The following TNFSF4 variants were observed in gnomAD, a reference collection of about 807,000 sequenced individuals.
The protein encoded by TNFSF4 is tumor necrosis factor ligand superfamily member 4.
A neutral mutation model predicts 7.3 loss-of-function variants in TNFSF4; 4 were observed. That is an observed-to-expected ratio of 0.55 (90% CI 0.27 to 1.25). The LOEUF is 1.25. TNFSF4 is among the 50% of genes most tolerant of loss of function. The pLI, the probability that TNFSF4 is intolerant of heterozygous loss-of-function variation, is 0.12. For synonymous variants in TNFSF4, 76 were observed against 83.7 expected (o/e 0.91, Z 0.50); for missense variants, 181 against 208.8 (o/e 0.87, Z 0.82).
At chr1:173,334,686 C>T in the TNFSF4 span, among the ~76,000 whole-genome samples, 1 of 152,066 alleles carries the variant, frequency 6.6e-6, no homozygotes, top group Non-Finnish European at 1.5e-5. Context: ...GACACTAGGC[C>T]CCTAAACTGA....
chr1:173,258,478 G>C, the TNFSF4 span, among the ~76,000 whole-genome samples: 1 of 152,130 alleles, frequency 6.6e-6, no homozygotes, highest in Non-Finnish European at 1.5e-5. Context: ...TATGCAACCT[G>C]CGGATCAGGA....
chr1:173,362,398 G>T, the TNFSF4 span: 7 of 437,116 alleles, frequency 1.6e-5, no homozygotes, highest in Non-Finnish European at 3.1e-5. Flanking sequence ...TGGTCCAGAA[G>T]AATGGCTGTT....
chr1:173,411,812 A>T, the TNFSF4 span, among the ~76,000 whole-genome samples: 1 of 151,550 alleles, frequency 6.6e-6, no homozygotes, highest in Non-Finnish European at 1.5e-5. Context: ...AAATAAAAAT[A>T]AAAAAATTTT....
the TNFSF4 span, among the ~76,000 whole-genome samples, chr1:173,415,733 G>T: frequency 2.6e-5 from 4 of 152,248 alleles, no homozygotes; most frequent in Non-Finnish European, 5.9e-5. Flanking sequence ...GTGCAAGTAA[G>T]AATGTAAGTG....
the TNFSF4 span, among the ~76,000 whole-genome samples, chr1:173,322,354 C>T: frequency 6.6e-6 from 1 of 151,976 alleles, no homozygotes. Flanking sequence ...GGAGGGAGAG[C>T]ATTAGGACAA....
At chr1:173,191,754 T>G (rs1448767270) in intron 1 of TNFSF4, among the ~76,000 whole-genome samples, 1 of 152,218 alleles carries the variant, frequency 6.6e-6, no homozygotes, top group Non-Finnish European at 1.5e-5. Context: ...TTTCTTCGCT[T>G]TAGCCTTTAT....
At chr1:173,220,519 G>A in the TNFSF4 span, among the ~76,000 whole-genome samples, 1 of 152,170 alleles carries the variant, frequency 6.6e-6, no homozygotes, top group Non-Finnish European at 1.5e-5. Flanking sequence ...GTTATGGACT[G>A]AATATTTATG....
the TNFSF4 span, among the ~76,000 whole-genome samples, chr1:173,448,669 G>A: frequency 6.6e-6 from 1 of 152,168 alleles, no homozygotes; most frequent in Non-Finnish European, 1.5e-5. Flanking sequence ...CCAGGAAAAG[G>A]ACTTTCACAA....
chr1:173,366,145 A>G, the TNFSF4 span, among the ~76,000 whole-genome samples: 1 of 152,222 alleles, frequency 6.6e-6, no homozygotes, highest in African/African-American at 2.4e-5. Context: ...AAAAGAAAGG[A>G]AATCAGTATA....
At chr1:173,419,062 G>A in the TNFSF4 span, among the ~76,000 whole-genome samples, 37 of 152,312 alleles carry the variant, frequency 2.4e-4, no homozygotes, top group African/African-American at 8.4e-4. Flanking sequence ...TAACCTGGCC[G>A]GGTGCTGTGG....
At chr1:173,247,410 G>C in the TNFSF4 span, among the ~76,000 whole-genome samples, 5 of 152,196 alleles carry the variant, frequency 3.3e-5, no homozygotes, top group Non-Finnish European at 7.3e-5. Context: ...CTGAGTTTTA[G>C]TGAGTTTTTT....
At chr1:173,283,681 T>A in the TNFSF4 span, among the ~76,000 whole-genome samples, 1 of 152,104 alleles carries the variant, frequency 6.6e-6, no homozygotes, top group Admixed American at 6.6e-5. Flanking sequence ...TCTAAGACTA[T>A]ATTTCAGTCA....
chr1:173,369,067 G>T, the TNFSF4 span, among the ~76,000 whole-genome samples: 2 of 152,116 alleles, frequency 1.3e-5, no homozygotes, highest in Non-Finnish European at 2.9e-5. Flanking sequence ...GCCTAAAAAA[G>T]GCTATTCCCA....
the TNFSF4 span, among the ~76,000 whole-genome samples, chr1:173,411,833 T>C: frequency 1.4e-5 from 2 of 147,422 alleles, no homozygotes; most frequent in Non-Finnish European, 3.0e-5. Flanking sequence ...AAAAAGGAAA[T>C]AGTTGGCCGG....
At chr1:173,365,825 T>A in the TNFSF4 span, among the ~76,000 whole-genome samples, 2 of 152,222 alleles carry the variant, frequency 1.3e-5, no homozygotes, top group Non-Finnish European at 2.9e-5. Context: ...TGATGTTTCA[T>A]ATGGAACCAC....
the TNFSF4 span, among the ~76,000 whole-genome samples, chr1:173,441,264 TC>T: frequency 1.3e-5 from 2 of 152,152 alleles, no homozygotes; most frequent in African/African-American, 4.8e-5. Flanking sequence ...TTCTTTTTCA[TC>T]CTTTTTCCCC....
the TNFSF4 span, among the ~76,000 whole-genome samples, chr1:173,397,763 G>C: frequency 6.6e-6 from 1 of 152,258 alleles, no homozygotes; most frequent in Non-Finnish European, 1.5e-5. Flanking sequence ...TTACTACCTA[G>C]GAAAATAGTA....
chr1:173,373,226 G>C, the TNFSF4 span, among the ~76,000 whole-genome samples: 2 of 152,212 alleles, frequency 1.3e-5, no homozygotes, highest in Non-Finnish European at 2.9e-5. Context: ...AAAAACCCAA[G>C]GAGGTGGCAG....
the TNFSF4 span, among the ~76,000 whole-genome samples, chr1:173,396,164 G>A: frequency 6.6e-6 from 1 of 152,162 alleles, no homozygotes. Flanking sequence ...AACTACTTGA[G>A]TTTTCTCATT....
Sources: allele counts gnomAD v4.1 joint callset (sites outside exome capture counted in the v4.1 genomes callset), GRCh38; gene constraint gnomAD v4.1.1; transcripts MANE v1.5; gene names NCBI Gene and HGNC (gene_info 2026-07-23, HGNC 2026-07-21).